MYRIP: variants seen among roughly 807,000 people sequenced by gnomAD.
MYRIP encodes the protein myosin VIIA and Rab interacting protein, also known as rab effector MyRIP.
A neutral mutation model predicts 98.0 loss-of-function variants in MYRIP; 49 were observed. The ratio of observed to expected loss-of-function variants is 0.50; its 90% CI spans 0.40 to 0.63. The LOEUF (loss-of-function observed/expected upper bound fraction) is 0.63, where lower values mean the gene tolerates loss of function less well. Ranked by LOEUF, MYRIP falls within the 30% of genes least tolerant of loss-of-function variation. The pLI, the probability that MYRIP is intolerant of heterozygous loss-of-function variation, is 0.00. For synonymous variants in MYRIP, 404 were observed against 409.5 expected, an observed-to-expected ratio of 0.99 and a Z score of 0.16; for missense variants, 1,004 against 1,058.2, an observed-to-expected ratio of 0.95 and a Z score of 0.71.
chr3:39,974,726 G>C (rs918074678), intron 2 of MYRIP, among the ~76,000 whole-genome samples: 3 of 152,118 alleles, frequency 2.0e-5, no homozygotes, highest in Non-Finnish European at 4.4e-5. Context: ...TCATCCCTGG[G>C]ATGCAAGGCT....
chr3:39,995,851 T>A lies in MYRIP; in HGVS notation c.111-48199T>A, dbSNP rs549174143. Among the ~76,000 whole-genome samples, 4 of 152,322 alleles carry A rather than the reference T, an allele frequency of 2.6e-5. No homozygotes were observed. The East Asian group carries it at 7.7e-4, about 29-fold the overall frequency. ...ACAGCTGATCTCTTCGCAGAAACTC[T>A]ACAAGCCAGAAGAGAGTGGGGGCCA... On this transcript the variant is annotated intron_variant, in intron 2 of 16. Transcript: ENST00000302541.
At chr3:40,063,818 A>C (rs4676564) in intron 3 of MYRIP, among the ~76,000 whole-genome samples, 83,772 of 151,868 alleles carry the variant, frequency 0.55, 23,296 homozygotes, top group East Asian at 0.78. Context: ...ATGCTTATGG[A>C]AGCTTTTGTG....
chr3:40,222,080 A>T (rs1952352916), intron 11 of MYRIP, among the ~76,000 whole-genome samples: 1 of 152,176 alleles, frequency 6.6e-6, no homozygotes, highest in Non-Finnish European at 1.5e-5. Flanking sequence ...TGAGTGGAGG[A>T]TGCTAAACAG....
At chr3:40,003,627 A>T (rs1269749406) in intron 2 of MYRIP, among the ~76,000 whole-genome samples, 1 of 152,146 alleles carries the variant, frequency 6.6e-6, no homozygotes, top group Admixed American at 6.5e-5. Flanking sequence ...CTCCATTGCA[A>T]TTTTTAGAGA....
At chr3:39,843,710 C>CT (rs1941876172) in intron 1 of MYRIP, among the ~76,000 whole-genome samples, 1 of 152,180 alleles carries the variant, frequency 6.6e-6, no homozygotes, top group African/African-American at 2.4e-5. Context: ...GCAGAGATGG[C>CT]ATATCCTAAG....
Position 40,108,205 on chromosome 3 carries a change from GA to G in MYRIP, c.333-42842del, listed in dbSNP as rs1949088790. The stretch of plus-strand genomic sequence containing the variant: ...AGAGAGAGAGAGAGAGAGAGAGAGA[GA>G]GAGAGAGGGTGAGTCGAAGATGGCA... On this transcript the variant is annotated intron_variant, in intron 3 of 16. Coordinates refer to ENST00000302541, the MANE Select transcript of MYRIP (RefSeq NM_015460.4). 2.7e-5 allele frequency among the ~76,000 whole-genome samples: 4 copies of G among 148,004 alleles called. No individual in the cohort carries two copies. In the East Asian group the frequency reaches 8.2e-4, roughly 31 times the overall value.
chr3:40,135,560 C>T (rs1308105933), intron 3 of MYRIP, among the ~76,000 whole-genome samples: 2 of 152,152 alleles, frequency 1.3e-5, no homozygotes, highest in Non-Finnish European at 1.5e-5. Flanking sequence ...TCGAGAAGAG[C>T]AACTCCAAGA....
chr3:40,192,790 C>T (rs1309418676), intron 10 of MYRIP, among the ~76,000 whole-genome samples: 1 of 152,120 alleles, frequency 6.6e-6, no homozygotes, highest in African/African-American at 2.4e-5. Context: ...GCAGCGCCTC[C>T]CCAAACAATG....
intron 4 of MYRIP, among the ~76,000 whole-genome samples, chr3:40,156,487 G>A (rs1034731751): frequency 5.9e-5 from 9 of 152,088 alleles, no homozygotes; most frequent in African/African-American, 2.2e-4. Context: ...CTCTTTTTTG[G>A]TGCCATATGA....
At chr3:39,952,484 G>A (rs546351733) in intron 2 of MYRIP, among the ~76,000 whole-genome samples, 6 of 152,194 alleles carry the variant, frequency 3.9e-5, no homozygotes, top group African/African-American at 1.2e-4. Context: ...ACATTAATTG[G>A]ATTTCAAATG....
At chr3:40,168,685 G>A (rs1490312260) in intron 7 of MYRIP, among the ~76,000 whole-genome samples, 1 of 152,208 alleles carries the variant, frequency 6.6e-6, no homozygotes, top group East Asian at 1.9e-4. Flanking sequence ...GCTGCCTGTG[G>A]CCATGACAGG....
chr3:39,831,961 G>T (rs1008155300), intron 1 of MYRIP, among the ~76,000 whole-genome samples: 1 of 152,168 alleles, frequency 6.6e-6, no homozygotes, highest in Non-Finnish European at 1.5e-5. Context: ...GTTAAAGGAA[G>T]AAGTTAGAGT....
At chr3:39,927,166 C>T (rs966166924) in intron 2 of MYRIP, among the ~76,000 whole-genome samples, 12 of 151,920 alleles carry the variant, frequency 7.9e-5, no homozygotes, top group South Asian at 2.1e-4. Context: ...GATTTTTGTG[C>T]GTTGATTTTG....
rs201741219 is a variant in MYRIP, at chr3:40,182,386, A to G, written c.1027+13A>G. On this transcript the variant is annotated intron_variant, in intron 9 of 16. Transcript: ENST00000302541. ...CTGGATGAAACAAGTAACTGTTTTA[A>G]GCAGTATCTAGTTGGTCTGTGGGTT... is the stretch of plus-strand genomic sequence containing the variant. 7.8e-4 allele frequency: 1,263 copies of G among 1,609,690 alleles called. 10 individuals carry two copies. Among genetic ancestry groups the G allele is most frequent in the Admixed American group, 1.6e-3 (96 of 59,392 alleles).
intron 8 of MYRIP, among the ~76,000 whole-genome samples, chr3:40,174,976 T>C (rs1480988864): frequency 6.6e-6 from 1 of 152,020 alleles, no homozygotes; most frequent in African/African-American, 2.4e-5. Context: ...ACCCCATCTC[T>C]ATTAAAAACA....
At chr3:40,016,479 C>T (rs1375838507) in intron 2 of MYRIP, among the ~76,000 whole-genome samples, 1 of 152,144 alleles carries the variant, frequency 6.6e-6, no homozygotes, top group African/African-American at 2.4e-5. Flanking sequence ...ATACAAAAAG[C>T]CCAGCCCTCT....
At chr3:40,120,768 C>A (rs961263510) in intron 3 of MYRIP, among the ~76,000 whole-genome samples, 11 of 152,162 alleles carry the variant, frequency 7.2e-5, no homozygotes, top group African/African-American at 2.7e-4. Flanking sequence ...CAGCAGCTAT[C>A]CAAATAAACA....
intron 3 of MYRIP, among the ~76,000 whole-genome samples, chr3:40,126,474 CAAT>C (rs1186536342): frequency 2.6e-5 from 4 of 152,160 alleles, no homozygotes; most frequent in African/African-American, 9.7e-5. Context: ...TAGGATTAAA[CAAT>C]GATGTTGATG....
intron 2 of MYRIP, among the ~76,000 whole-genome samples, chr3:39,983,598 T>TG (rs902824063): frequency 2.9e-4 from 44 of 152,250 alleles, no homozygotes; most frequent in African/African-American, 9.6e-4. Context: ...AGGGGAGGGC[T>TG]GGGGGTACAG....
Sources: gnomAD v4.1 joint callset for allele counts (sites outside exome capture counted in the v4.1 genomes callset) on GRCh38, gnomAD v4.1.1 for gene constraint, MANE v1.5 for transcripts, NCBI Gene and HGNC (gene_info 2026-07-23, HGNC 2026-07-21) for gene names.